Variants in B3GALT1 observed in about 807,000 individuals in gnomAD.
The protein encoded by B3GALT1 is beta-1,3-galactosyltransferase 1.
Under a neutral mutation model 23.2 loss-of-function variants are expected in B3GALT1, and 10 were observed. That is an observed-to-expected ratio of 0.43 (90% CI 0.27 to 0.73). The LOEUF is 0.73. B3GALT1 is among the 30% of genes least tolerant of loss of function. B3GALT1 has a pLI of 0.21. For synonymous variants in B3GALT1, 156 were observed against 141.5 expected (o/e 1.10, Z -0.73); for missense variants, 299 against 405.4 (o/e 0.74, Z 2.25).
At chr2:167,517,688 A>G (rs1023075703) in intron 2 of B3GALT1, among the ~76,000 whole-genome samples, 3 of 152,098 alleles carry the variant, frequency 2.0e-5, no homozygotes, top group East Asian at 1.9e-4. Flanking sequence ...GCAGACAACT[A>G]AAAATGAAAC....
intron 2 of B3GALT1, among the ~76,000 whole-genome samples, chr2:167,535,741 A>G (rs1489915090): frequency 6.6e-6 from 1 of 152,186 alleles, no homozygotes; most frequent in Non-Finnish European, 1.5e-5. Flanking sequence ...ATTAAAAAAA[A>G]ATGTGGTTTT....
intron 3 of B3GALT1, among the ~76,000 whole-genome samples, chr2:167,667,079 C>T (rs139183174): frequency 0.024 from 3,578 of 151,446 alleles, 147 homozygotes; most frequent in African/African-American, 0.082. Flanking sequence ...GATTTTGCAG[C>T]GGCTGGTACT....
chr2:167,852,214 C>T (rs1689915764), intron 4 of B3GALT1, among the ~76,000 whole-genome samples: 2 of 152,194 alleles, frequency 1.3e-5, no homozygotes, highest in Non-Finnish European at 2.9e-5. Flanking sequence ...TATGGTCACC[C>T]GAGGTGAAAA....
intron 1 of B3GALT1, among the ~76,000 whole-genome samples, chr2:167,324,219 G>A (rs932601179): frequency 5.3e-5 from 8 of 152,042 alleles, no homozygotes; most frequent in African/African-American, 1.9e-4. Context: ...TATAGGGTAT[G>A]GGCCAAAATT....
chr2:167,818,896 A>G (rs1485617185), intron 4 of B3GALT1, among the ~76,000 whole-genome samples, 103 bp downstream of exon 4: 1 of 152,258 alleles, frequency 6.6e-6, no homozygotes, highest in Non-Finnish European at 1.5e-5. Context: ...TCAGCGTCTA[A>G]GGACTAATGA....
intron 3 of B3GALT1, among the ~76,000 whole-genome samples, chr2:167,783,429 C>T (rs1026604807): frequency 1.3e-5 from 2 of 152,064 alleles, no homozygotes; most frequent in African/African-American, 4.8e-5. Flanking sequence ...TGTTCCCTTC[C>T]CACCTCCACC....
intron 3 of B3GALT1, among the ~76,000 whole-genome samples, chr2:167,813,673 T>C (rs2105355536): frequency 6.6e-6 from 1 of 152,342 alleles, no homozygotes; most frequent in East Asian, 1.9e-4. Context: ...CTTCCTTTAG[T>C]TGCCTTTTTC....
In B3GALT1 at chr2:167,656,597, T is replaced by C. The variant is rs555269652; in HGVS notation, c.-352+9631T>C. ...TTTACTGTATCTTGTGCTTCCAGCA[T>C]GTAATTGGAAAGAAAAAGGCATCAA... On this transcript the variant is annotated intron_variant, in intron 3 of 4. Transcript: ENST00000392690. 2.0e-5 allele frequency among the ~76,000 whole-genome samples: 3 copies of C among 152,246 alleles called. No homozygotes were observed. The South Asian group carries it at 6.2e-4, about 32-fold the overall frequency.
intron 1 of B3GALT1, among the ~76,000 whole-genome samples, chr2:167,394,784 T>C (rs1394645127): frequency 6.6e-6 from 1 of 152,188 alleles, no homozygotes; most frequent in African/African-American, 2.4e-5. Context: ...CAGAATATTA[T>C]TCTCAGGCAT....
intron 2 of B3GALT1, among the ~76,000 whole-genome samples, chr2:167,617,235 A>G (rs1289049625): frequency 6.6e-6 from 1 of 152,118 alleles, no homozygotes; most frequent in Non-Finnish European, 1.5e-5. Flanking sequence ...CAGAAAAAAT[A>G]ATGGAAGAGT....
intron 3 of B3GALT1, among the ~76,000 whole-genome samples, chr2:167,704,283 T>A (rs1686937158): frequency 6.6e-6 from 1 of 151,914 alleles, no homozygotes; most frequent in South Asian, 2.1e-4. Context: ...GTCAAAATAT[T>A]AGAAGTATAA....
chr2:167,452,569 G>T (rs909138943), intron 1 of B3GALT1, among the ~76,000 whole-genome samples: 3 of 152,248 alleles, frequency 2.0e-5, no homozygotes, highest in South Asian at 2.1e-4. Flanking sequence ...AGGGCCTGCA[G>T]GAGCAATCCA....
At chr2:167,309,313 A>G (rs1455204314) in intron 1 of B3GALT1, among the ~76,000 whole-genome samples, 1 of 152,072 alleles carries the variant, frequency 6.6e-6, no homozygotes, top group South Asian at 2.1e-4. Flanking sequence ...GTTCTAAGCT[A>G]AATTAATGTA....
intron 3 of B3GALT1, among the ~76,000 whole-genome samples, chr2:167,679,204 C>T (rs541405849): frequency 1.6e-4 from 25 of 152,178 alleles, no homozygotes; most frequent in African/African-American, 2.9e-4. Context: ...CCGCAACCTC[C>T]GCCTCCCGGG....
At chr2:167,780,417 A>G (rs1037514551) in intron 3 of B3GALT1, among the ~76,000 whole-genome samples, 1 of 152,160 alleles carries the variant, frequency 6.6e-6, no homozygotes, top group African/African-American at 2.4e-5. Context: ...AATTCTAAGA[A>G]CTCACTAACA....
intron 3 of B3GALT1, among the ~76,000 whole-genome samples, chr2:167,774,485 G>GTTTTTTT (rs767692581): frequency 9.5e-6 from 1 of 105,180 alleles, no homozygotes; most frequent in African/African-American, 3.2e-5. Context: ...TTTTTTTTTT[G>GTTTTTTT]TTTTTTTTTT....
chr2:167,322,116 G>A (rs2105493583), intron 1 of B3GALT1, among the ~76,000 whole-genome samples: 1 of 151,968 alleles, frequency 6.6e-6, no homozygotes, highest in South Asian at 2.1e-4. Context: ...AGAAATTTAG[G>A]ATCTGGTTAT....
intron 1 of B3GALT1, among the ~76,000 whole-genome samples, chr2:167,464,841 C>T (rs960325100): frequency 1.3e-5 from 2 of 152,190 alleles, no homozygotes; most frequent in Non-Finnish European, 2.9e-5. Context: ...GTATTATCCA[C>T]AGCATGATTG....
chr2:167,483,901 CCTAT>C (rs1413253111), intron 1 of B3GALT1, among the ~76,000 whole-genome samples: 1 of 152,012 alleles, frequency 6.6e-6, no homozygotes, highest in East Asian at 1.9e-4. Context: ...CCCTATAGAA[CCTAT>C]CCATGGATCG....
Sources: gnomAD v4.1 joint callset for allele counts (sites outside exome capture counted in the v4.1 genomes callset) on GRCh38, gnomAD v4.1.1 for gene constraint, MANE v1.5 for transcripts, NCBI Gene and HGNC (gene_info 2026-07-23, HGNC 2026-07-21) for gene names.